Variants in AFDN observed in about 807,000 individuals in gnomAD.
AFDN encodes afadin, adherens junction formation factor, also known as afadin.
Under a neutral mutation model 216.6 loss-of-function variants are expected in AFDN, and 68 were observed. That is an observed-to-expected ratio of 0.31 (90% CI 0.26 to 0.38). AFDN has a LOEUF of 0.38. Ranked by LOEUF, AFDN falls within the 10% of genes least tolerant of loss-of-function variation. AFDN has a pLI of 1.00. For synonymous variants in AFDN, 868 were observed against 853.7 expected (o/e 1.02, Z -0.29); for missense variants, 2,136 against 2,342.0 (o/e 0.91, Z 1.82).
At position 167,914,234 on chromosome 6, in the gene AFDN, A is replaced by C; in HGVS notation, c.2125A>C (p.Ile709Leu). 6.2e-7 allele frequency: 1 copy of C among 1,614,234 alleles called. No homozygotes were observed. Among genetic ancestry groups the C allele is most frequent in the East Asian group, 2.2e-5 (1 of 44,874 alleles). ...AAATGCATCTGAACTTCTCAACTTC[A>C]TTAAGCAAGACCGAGACCTTAGTCG... ...MANASELLNF[I>L]KQDRDLSRIT... The change falls in exon 17 of 34, where the codon ATT (isoleucine) becomes CTT (leucine). Residue 709 changes from isoleucine (I) to leucine (L), a missense_variant. Around this residue, in one of 8 missense-constraint regions of AFDN, gnomAD observed 817 missense variants for 965.7 expected, o/e 0.85. Coordinates refer to ENST00000683244, the MANE Select transcript of AFDN (RefSeq NM_001386888.1).
intron 1 of AFDN, among the ~76,000 whole-genome samples, chr6:167,853,444 A>G (rs1325394613): frequency 1.3e-5 from 2 of 152,096 alleles, no homozygotes; most frequent in African/African-American, 4.8e-5. Context: ...CTGTTGTCCA[A>G]AATCACTCAG....
chr6:167,870,874 CTTTG>C (rs1784711593), intron 3 of AFDN, among the ~76,000 whole-genome samples: 1 of 151,794 alleles, frequency 6.6e-6, no homozygotes, highest in Admixed American at 6.6e-5. Context: ...TTAGATGCAA[CTTTG>C]GTCATTTAAA....
intron 31 of AFDN, chr6:167,963,021 C>A: frequency 9.3e-7 from 1 of 1,080,302 alleles, no homozygotes; most frequent in South Asian, 4.3e-5. Context: ...AAATCACTCA[C>A]TTCTGGTTGA....
chr6:167,923,008 A>C, intron 22 of AFDN, 49 bp downstream of exon 22: 2 of 1,280,346 alleles, frequency 1.6e-6, no homozygotes, highest in Non-Finnish European at 2.3e-6. Context: ...TTAGGACTTG[A>C]AGATGTGATG....
At chr6:167,944,154 C>G in intron 26 of AFDN, 95 bp downstream of exon 26, 1 of 938,842 alleles carries the variant, frequency 1.1e-6, no homozygotes, top group Admixed American at 2.1e-5. Flanking sequence ...GTTACTATCG[C>G]CCCAGTTTTA....
chr6:167,895,036 A>AT (rs1486640392), intron 9 of AFDN, among the ~76,000 whole-genome samples: 1 of 152,064 alleles, frequency 6.6e-6, no homozygotes, highest in Non-Finnish European at 1.5e-5. Flanking sequence ...TTATTTTTAT[A>AT]TAAGTATTCA....
intron 12 of AFDN, among the ~76,000 whole-genome samples, chr6:167,902,705 C>T (rs1350515673): frequency 6.6e-6 from 1 of 152,186 alleles, no homozygotes; most frequent in South Asian, 2.1e-4. Flanking sequence ...TCTGTCTCCT[C>T]TCTCAAAATA....
intron 1 of AFDN, among the ~76,000 whole-genome samples, chr6:167,841,729 T>C (rs1325501530): frequency 2.0e-5 from 3 of 151,784 alleles, no homozygotes; most frequent in Non-Finnish European, 4.4e-5. Context: ...AATATATCAG[T>C]TAGAGTGTTT....
At chr6:167,918,305 A>G (rs1427692656) in intron 20 of AFDN, among the ~76,000 whole-genome samples, 3 of 152,216 alleles carry the variant, frequency 2.0e-5, no homozygotes, top group African/African-American at 7.2e-5. Context: ...CTGGGTAGAT[A>G]TTTGATTCCG....
chr6:167,839,050 C>CT (rs760651382), intron 1 of AFDN, among the ~76,000 whole-genome samples: 11 of 149,616 alleles, frequency 7.4e-5, no homozygotes, highest in South Asian at 6.4e-4. Context: ...ACTTCAAAAA[C>CT]TTTTTTTTTT....
intron 11 of AFDN, among the ~76,000 whole-genome samples, chr6:167,899,301 G>A (rs1377695244): frequency 6.6e-6 from 1 of 152,078 alleles, no homozygotes; most frequent in Non-Finnish European, 1.5e-5. Flanking sequence ...TCCATCCCCA[G>A]CTGCTCACCT....
chr6:167,846,712 TG>T lies in AFDN; in HGVS notation c.106-17838del, dbSNP rs1297290266. Reference sequence around the variant, plus strand: ...ATAATATTTAAAAAAAAAACCAAGTTGTTTTTTTTTTTTTTTTCAATGTATC... The same window carrying T: ...ATAATATTTAAAAAAAAAACCAAGTTTTTTTTTTTTTTTTTTCAATGTATC... On this transcript the variant is annotated intron_variant, in intron 1 of 33. Coordinates refer to ENST00000683244, the MANE Select transcript of AFDN (RefSeq NM_001386888.1). Among the ~76,000 whole-genome samples, 567 of 148,158 alleles carry T rather than the reference TG, an allele frequency of 3.8e-3. 4 individuals are homozygous for T. Among genetic ancestry groups the T allele is most frequent in the Non-Finnish European group, 7.0e-3 (468 of 67,116 alleles).
chr6:167,873,881 G>A (rs973237055), intron 4 of AFDN, among the ~76,000 whole-genome samples: 2 of 152,104 alleles, frequency 1.3e-5, no homozygotes, highest in African/African-American at 4.8e-5. Flanking sequence ...TTAACCATTT[G>A]TCAGTGAATA....
At chr6:167,965,224 A>C (rs2128758341) in intron 31 of AFDN, 3 of 282,330 alleles carry the variant, frequency 1.1e-5, no homozygotes, top group African/African-American at 6.9e-5. Flanking sequence ...TGGTTCACTC[A>C]TGTCCTCCTT....
intron 9 of AFDN, among the ~76,000 whole-genome samples, chr6:167,894,366 G>A (rs187511313): frequency 1.7e-4 from 26 of 152,248 alleles, no homozygotes; most frequent in Non-Finnish European, 3.7e-4. Flanking sequence ...CATTATCTAC[G>A]GGGAAGAAAG....
At position 167,902,340 on chromosome 6, in the gene AFDN, A is replaced by T; in HGVS notation, c.1604A>T (p.Asp535Val). ...KPGIVQETTF[D>V]LGGDIHSGTA... is the part of the protein sequence containing the mutation. ...AGAATTGTTCAGGAGACAACTTTTG[A>T]TTTGGGAGGAGATATTCATAGTGGG... The change falls in exon 12 of 34, where the codon GAT (aspartate) becomes GTT (valine). Residue 535 changes from aspartate to valine, a missense_variant. Around this residue, in one of 8 missense-constraint regions of AFDN, gnomAD observed 817 missense variants for 965.7 expected, o/e 0.85. Coordinates refer to ENST00000683244, the MANE Select transcript of AFDN (RefSeq NM_001386888.1). The T allele has an allele frequency of 6.2e-7, 1 of 1,612,826 alleles. No individual in the cohort carries two copies. Among genetic ancestry groups the T allele is most frequent in the Non-Finnish European group, 8.5e-7 (1 of 1,179,124 alleles).
intron 23 of AFDN, among the ~76,000 whole-genome samples, chr6:167,938,272 A>G (rs1278771538): frequency 6.6e-6 from 1 of 152,194 alleles, no homozygotes. Flanking sequence ...TAGAATGGGA[A>G]GAGGTGAGGG....
chr6:167,876,248 G>T (rs1477150476), intron 5 of AFDN, among the ~76,000 whole-genome samples: 1 of 152,140 alleles, frequency 6.6e-6, no homozygotes. Flanking sequence ...CTATAACTGA[G>T]TCGTAATTAA....
chr6:167,938,336 G>A (rs1323998894), intron 23 of AFDN, among the ~76,000 whole-genome samples: 1 of 152,184 alleles, frequency 6.6e-6, no homozygotes, highest in Non-Finnish European at 1.5e-5. Context: ...AATAACTTAT[G>A]CAGGAAGCTG....
Sources: gnomAD v4.1 joint callset for allele counts (sites outside exome capture counted in the v4.1 genomes callset) on GRCh38, gnomAD v4.1.1 for gene constraint, gnomAD v4.1.1 regional missense constraint, MANE v1.5 for transcripts, NCBI Gene and HGNC (gene_info 2026-07-23, HGNC 2026-07-21) for gene names.